The following MGAT5 variants were observed in gnomAD, a reference collection of about 807,000 sequenced individuals.
MGAT5 encodes the protein alpha-1,6-mannosylglycoprotein 6-beta-N-acetylglucosaminyltransferase A.
MGAT5 carries 30 observed loss-of-function variants against 94.3 expected under a neutral mutation model. The ratio of observed to expected loss-of-function variants is 0.32; its 90% confidence interval spans 0.24 to 0.43. MGAT5 has a LOEUF of 0.43. Ranked by LOEUF, MGAT5 falls within the 20% of genes least tolerant of loss-of-function variation. The pLI, the probability that MGAT5 is intolerant of heterozygous loss-of-function variation, is 1.00. For synonymous variants in MGAT5, 310 were observed against 322.9 expected (o/e 0.96, Z 0.43); for missense variants, 691 against 905.5 (o/e 0.76, Z 3.04).
rs1340477621 is a variant in MGAT5, at chr2:134,151,157, C to G, written c.-143+30866C>G. The stretch of plus-strand genomic sequence containing the variant: ...ACTCACCGCCATGGGACCTCACTCA[C>G]GCCCTGTGGGACCCACTCACTGCCA... On this transcript the variant is annotated intron_variant, in intron 1 of 16. Coordinates refer to the MGAT5 transcript ENST00000409645. 2.0e-5 allele frequency among the ~76,000 whole-genome samples: 3 copies of G among 149,328 alleles called. No homozygotes were observed. In the East Asian group the frequency reaches 5.9e-4, roughly 30 times the overall value.
intron 1 of MGAT5, among the ~76,000 whole-genome samples, chr2:134,203,563 C>T (rs902818564): frequency 3.3e-5 from 5 of 151,896 alleles, no homozygotes; most frequent in African/African-American, 1.2e-4. Flanking sequence ...TTTTCTAGGG[C>T]ATGAGGGTGT....
chr2:134,317,441 TTC>T, intron 2 of MGAT5, 86 bp from the exon 3 acceptor site: 3 of 965,308 alleles, frequency 3.1e-6, no homozygotes, highest in Non-Finnish European at 4.4e-6. Context: ...CTTTTTTGGT[TTC>T]TCTCCCTACC....
chr2:134,252,051 A>C (rs966523531), upstream of MGAT5, among the ~76,000 whole-genome samples: 4 of 152,200 alleles, frequency 2.6e-5, no homozygotes, highest in African/African-American at 9.7e-5. Context: ...CTGTTGCTGC[A>C]AAAGACAGGA....
At chr2:134,404,231 C>T (rs1683217125) in intron 11 of MGAT5, among the ~76,000 whole-genome samples, 1 of 152,168 alleles carries the variant, frequency 6.6e-6, no homozygotes, top group African/African-American at 2.4e-5. Flanking sequence ...TAGTGGATTT[C>T]TCAGCTCTCA....
chr2:134,172,487 T>A lies in MGAT5; in HGVS notation c.-143+52196T>A, dbSNP rs370742994. On this transcript the variant is annotated intron_variant, in intron 1 of 16. Transcript: ENST00000409645. ...CTGCAAGCTCCGCCTCCTTGGTTCA[T>A]GCCATTCTCCTGCATCAGCCTCCCA... 3.3e-5 allele frequency among the ~76,000 whole-genome samples: 5 copies of A among 152,166 alleles called. No homozygotes were observed. In the East Asian group the frequency reaches 9.7e-4, roughly 30 times the overall value.
intron 7 of MGAT5, among the ~76,000 whole-genome samples, chr2:134,342,874 G>T (rs1406809855): frequency 2.0e-5 from 3 of 152,092 alleles, no homozygotes; most frequent in Non-Finnish European, 2.9e-5. Context: ...CCAATCTTTT[G>T]ATAATTACAA....
Position 134,291,322 on chromosome 2 carries a change from T to A in MGAT5, c.406+20772T>A, listed in dbSNP as rs1685347885. ...GACACCAGAGCTTGTTTTTTCTCTC[T>A]GTTCTTGTCTGTGAGGATACAAGGA... On this transcript the variant is annotated intron_variant, in intron 2 of 15. Transcript: ENST00000281923. Among the ~76,000 whole-genome samples the A allele has an allele frequency of 3.9e-5, 6 of 152,320 alleles. 1 individual carries two copies. In the South Asian group the frequency reaches 1.2e-3, roughly 32 times the overall value.
At chr2:134,412,034 G>A (rs2106328008) in intron 11 of MGAT5, among the ~76,000 whole-genome samples, 1 of 152,332 alleles carries the variant, frequency 6.6e-6, no homozygotes, top group East Asian at 1.9e-4. Flanking sequence ...CACCCACTGT[G>A]ATGGTACGTG....
chr2:134,247,284 C>T (rs1355311348), intron 1 of MGAT5, among the ~76,000 whole-genome samples: 2 of 148,260 alleles, frequency 1.3e-5, no homozygotes, highest in African/African-American at 4.9e-5. Context: ...ATGTGACCAA[C>T]TCTCATCTGG....
intron 10 of MGAT5, among the ~76,000 whole-genome samples, chr2:134,386,447 T>A (rs2106226999): frequency 6.6e-6 from 1 of 152,356 alleles, no homozygotes; most frequent in East Asian, 1.9e-4. Flanking sequence ...GAATTTCCTT[T>A]TTCTCTTAAA....
At chr2:134,143,769 A>G (rs1292651511) in intron 1 of MGAT5, among the ~76,000 whole-genome samples, 2 of 152,236 alleles carry the variant, frequency 1.3e-5, no homozygotes, top group Non-Finnish European at 2.9e-5. Flanking sequence ...AACAATGTTT[A>G]TGTGGTTACT....
chr2:134,429,935 C>T (rs1684795378), intron 14 of MGAT5, among the ~76,000 whole-genome samples: 2 of 152,190 alleles, frequency 1.3e-5, no homozygotes, highest in African/African-American at 4.8e-5. Flanking sequence ...AGTTATCAGG[C>T]TCACAGATTG....
intron 1 of MGAT5, among the ~76,000 whole-genome samples, chr2:134,208,868 C>T (rs980097187): frequency 1.2e-4 from 18 of 152,336 alleles, no homozygotes; most frequent in African/African-American, 4.1e-4. Flanking sequence ...AAAGCATTAT[C>T]TTACTCCCAG....
Position 134,213,379 on chromosome 2 carries a change from G to A in MGAT5, c.-142-40883G>A, listed in dbSNP as rs187579910. ...TCATGTTCTAAAATGAAGAGGGTCA[G>A]TGTCAAAAATTCTGTTTCTCAAAAT... On this transcript the variant is annotated intron_variant, in intron 1 of 16. Transcript: ENST00000409645. Among the ~76,000 whole-genome samples, 255 of 148,322 alleles carry A rather than the reference G, an allele frequency of 1.7e-3. 2 individuals are homozygous for A. Among genetic ancestry groups the A allele is most frequent in the African/African-American group, 6.0e-3 (244 of 40,336 alleles).
chr2:134,273,118 T>C (rs1399477413), intron 2 of MGAT5, among the ~76,000 whole-genome samples: 4 of 151,026 alleles, frequency 2.6e-5, no homozygotes, highest in African/African-American at 4.9e-5. Context: ...CCTTCTTCAT[T>C]TCCCCCAGAA....
intron 10 of MGAT5, among the ~76,000 whole-genome samples, chr2:134,369,725 C>CA (rs1169728169): frequency 3.5e-5 from 1 of 28,466 alleles, no homozygotes; most frequent in South Asian, 2.4e-3. Flanking sequence ...ATGGTTTTTA[C>CA]ATTGTGTGTG....
upstream of MGAT5, among the ~76,000 whole-genome samples, chr2:134,250,873 T>C (rs1682549601): frequency 1.3e-5 from 2 of 152,218 alleles, no homozygotes; most frequent in African/African-American, 4.8e-5. Context: ...ATACACCATC[T>C]GGATGTGTCT....
intron 1 of MGAT5, among the ~76,000 whole-genome samples, chr2:134,200,550 A>T (rs1334174054): frequency 6.6e-6 from 1 of 152,220 alleles, no homozygotes; most frequent in Admixed American, 6.5e-5. Flanking sequence ...TTTGGTGTAG[A>T]CTGAGTGTCT....
At chr2:134,389,875 C>G (rs1682289933) in intron 10 of MGAT5, among the ~76,000 whole-genome samples, 1 of 152,284 alleles carries the variant, frequency 6.6e-6, no homozygotes, top group East Asian at 1.9e-4. Flanking sequence ...TTCTCACATT[C>G]AACTGGAGTT....
Sources: gnomAD v4.1 joint callset for allele counts (sites outside exome capture counted in the v4.1 genomes callset) on GRCh38, gnomAD v4.1.1 for gene constraint, MANE v1.5 for transcripts, NCBI Gene and HGNC (gene_info 2026-07-23, HGNC 2026-07-21) for gene names.